The following ARHGAP42 variants were observed in gnomAD, a reference collection of about 807,000 sequenced individuals.
ARHGAP42 encodes the protein rho GTPase-activating protein 42.
In ARHGAP42, 63 loss-of-function variants were observed where a neutral mutation model predicts 125.0. The observed-to-expected ratio is 0.50, with a 90% CI of 0.41 to 0.62. The LOEUF is 0.62. ARHGAP42 is among the 20% of genes least tolerant of loss of function. ARHGAP42 has a pLI of 0.00. For missense variants in ARHGAP42, 766 were observed against 1,024.2 expected (o/e 0.75, Z 3.44); for synonymous variants, 339 against 351.0 (o/e 0.97, Z 0.38).
chr11:100,923,898 T>G (rs1346573528), intron 6 of ARHGAP42, among the ~76,000 whole-genome samples: 4 of 152,084 alleles, frequency 2.6e-5, no homozygotes, highest in Admixed American at 2.6e-4. Context: ...TAATATCCAT[T>G]TGAACAATGA....
chr11:100,823,818 C>T (rs1182744936), intron 3 of ARHGAP42, among the ~76,000 whole-genome samples: 1 of 152,138 alleles, frequency 6.6e-6, no homozygotes, highest in Admixed American at 6.5e-5. Context: ...ATGACCTCCT[C>T]TGAGAAGCTC....
intron 3 of ARHGAP42, among the ~76,000 whole-genome samples, chr11:100,817,546 C>A (rs904497995): frequency 2.0e-5 from 3 of 152,118 alleles, no homozygotes; most frequent in Non-Finnish European, 4.4e-5. Context: ...AGTATTTGTG[C>A]AAGTATAATC....
chr11:100,770,859 G>A (rs528385234), intron 2 of ARHGAP42, among the ~76,000 whole-genome samples: 84 of 152,350 alleles, frequency 5.5e-4, no homozygotes, highest in Admixed American at 1.9e-3. Flanking sequence ...GATTACTGGC[G>A]TGAGCCACTG....
intron 1 of ARHGAP42, among the ~76,000 whole-genome samples, chr11:100,695,074 C>G (rs1217684749): frequency 1.3e-5 from 2 of 152,158 alleles, no homozygotes; most frequent in Non-Finnish European, 2.9e-5. Context: ...GCACCTGGAT[C>G]TGGAAGGCAC....
chr11:100,919,411 C>G (rs571857305), intron 5 of ARHGAP42, among the ~76,000 whole-genome samples: 1 of 152,028 alleles, frequency 6.6e-6, no homozygotes, highest in African/African-American at 2.4e-5. Context: ...ACCTTGTAAG[C>G]AAACCTTTCA....
At chr11:100,722,166 T>C (rs1861769774) in intron 1 of ARHGAP42, among the ~76,000 whole-genome samples, 1 of 152,146 alleles carries the variant, frequency 6.6e-6, no homozygotes, top group African/African-American at 2.4e-5. Context: ...TATTTCATAG[T>C]TGTTTTATTT....
chr11:100,815,545 A>T (rs11224466), intron 3 of ARHGAP42, among the ~76,000 whole-genome samples: 25,277 of 152,138 alleles, frequency 0.17, 2,285 homozygotes, highest in African/African-American at 0.23. Context: ...AGATGTGCAG[A>T]TATGTTTCTT....
chr11:100,705,028 A>T (rs1861461088), intron 1 of ARHGAP42, among the ~76,000 whole-genome samples: 1 of 146,668 alleles, frequency 6.8e-6, no homozygotes, highest in South Asian at 2.2e-4. Flanking sequence ...AAAAAAAAAA[A>T]AAAAAGAGAG....
At chr11:100,725,281 C>A (rs1308988500) in intron 1 of ARHGAP42, among the ~76,000 whole-genome samples, 1 of 151,826 alleles carries the variant, frequency 6.6e-6, no homozygotes, top group Non-Finnish European at 1.5e-5. Flanking sequence ...AGCAATTCTC[C>A]TGCCTCAGCC....
At chr11:100,971,496 A>G (rs1242110702) in intron 17 of ARHGAP42, among the ~76,000 whole-genome samples, 2 of 152,188 alleles carry the variant, frequency 1.3e-5, no homozygotes, top group African/African-American at 4.8e-5. Context: ...ACCTGCTGAA[A>G]TGGTGAGTGG....
intron 1 of ARHGAP42, among the ~76,000 whole-genome samples, chr11:100,694,300 A>G (rs1378782568): frequency 6.6e-6 from 1 of 152,180 alleles, no homozygotes; most frequent in Non-Finnish European, 1.5e-5. Flanking sequence ...TCTTTTCTCT[A>G]GATTCATAAA....
chr11:100,980,831 A>G (rs1378260094), intron 22 of ARHGAP42, among the ~76,000 whole-genome samples: 3 of 152,008 alleles, frequency 2.0e-5, no homozygotes, highest in Non-Finnish European at 2.9e-5. Flanking sequence ...TCAGCCTCCC[A>G]AAGTGCTGGG....
intron 1 of ARHGAP42, among the ~76,000 whole-genome samples, chr11:100,715,927 A>G (rs1404227949): frequency 6.6e-6 from 1 of 152,216 alleles, no homozygotes; most frequent in Non-Finnish European, 1.5e-5. Flanking sequence ...CATTGGAGGA[A>G]CTGCAGTCAG....
At chr11:100,979,480 G>A (rs964867601) in intron 22 of ARHGAP42, among the ~76,000 whole-genome samples, 7 of 152,036 alleles carry the variant, frequency 4.6e-5, no homozygotes, top group African/African-American at 1.2e-4. Flanking sequence ...TGCCCAAAGC[G>A]ACTCTGTTTT....
At chr11:100,912,226 A>C (rs1241963277) in intron 4 of ARHGAP42, among the ~76,000 whole-genome samples, 3 of 152,160 alleles carry the variant, frequency 2.0e-5, no homozygotes, top group Non-Finnish European at 4.4e-5. Flanking sequence ...AATTAGGTTC[A>C]AAAACTGCAA....
chr11:100,948,845 G>A (rs773491813), intron 11 of ARHGAP42, among the ~76,000 whole-genome samples: 3 of 151,946 alleles, frequency 2.0e-5, no homozygotes, highest in Non-Finnish European at 4.4e-5. Context: ...AATAATGATC[G>A]CATGCCCAGT....
intron 4 of ARHGAP42, among the ~76,000 whole-genome samples, chr11:100,876,837 T>C (rs182659274): frequency 6.6e-4 from 101 of 152,338 alleles, no homozygotes; most frequent in African/African-American, 2.2e-3. Flanking sequence ...TTAGAGTTGA[T>C]TTTACGTCTT....
intron 4 of ARHGAP42, among the ~76,000 whole-genome samples, chr11:100,894,010 A>G (rs576440707): frequency 2.0e-5 from 3 of 152,256 alleles, no homozygotes; most frequent in African/African-American, 7.2e-5. Flanking sequence ...ACCAATGGCT[A>G]TTTTATTTTT....
At chr11:100,983,910 G>A (rs75139341) in intron 22 of ARHGAP42, among the ~76,000 whole-genome samples, 1 of 152,184 alleles carries the variant, frequency 6.6e-6, no homozygotes, top group Non-Finnish European at 1.5e-5. Context: ...AGGCCAAGGC[G>A]AGTGGACCGC....
Sources: gnomAD v4.1 joint callset for allele counts (sites outside exome capture counted in the v4.1 genomes callset) on GRCh38, gnomAD v4.1.1 for gene constraint, MANE v1.5 for transcripts, NCBI Gene and HGNC (gene_info 2026-07-23, HGNC 2026-07-21) for gene names.